Variants in CPNE4 observed in about 807,000 individuals in gnomAD.
The protein encoded by CPNE4 is copine-4.
CPNE4 carries 25 observed loss-of-function variants against 67.9 expected under a neutral mutation model. That is an observed-to-expected ratio of 0.37 (90% CI 0.27 to 0.51). The LOEUF is 0.51. Among genes scored for constraint, CPNE4 ranks in the 20% least tolerant of loss-of-function variants. The pLI, the probability that CPNE4 is intolerant of heterozygous loss-of-function variation, is 0.93. For synonymous variants in CPNE4, 242 were observed against 244.9 expected (o/e 0.99, Z 0.11); for missense variants, 464 against 690.8 (o/e 0.67, Z 3.68).
chr3:131,612,694 A>G (rs542878803), intron 7 of CPNE4, among the ~76,000 whole-genome samples: 2 of 152,308 alleles, frequency 1.3e-5, no homozygotes, highest in East Asian at 3.9e-4. Flanking sequence ...TCACTAATCC[A>G]TCATATAATT....
chr3:131,738,854 CTTTT>C (rs34053204), intron 2 of CPNE4, among the ~76,000 whole-genome samples: 101 of 140,144 alleles, frequency 7.2e-4, no homozygotes, highest in African/African-American at 2.5e-3. Flanking sequence ...TTTTCTTTTT[CTTTT>C]TTTTTTTTTT....
intron 1 of CPNE4, among the ~76,000 whole-genome samples, chr3:132,001,550 A>AAGAGAAAG (rs2073435522): frequency 1.6e-5 from 2 of 127,718 alleles, no homozygotes; most frequent in Non-Finnish European, 3.3e-5. Context: ...GACAAAGAAA[A>AAGAGAAAG]AAGAGAAAGA....
At chr3:131,814,250 G>A (rs2084643811) in intron 2 of CPNE4, among the ~76,000 whole-genome samples, 1 of 152,136 alleles carries the variant, frequency 6.6e-6, no homozygotes. Context: ...GGACAGTAGA[G>A]CTTGGCATAA....
intron 1 of CPNE4, among the ~76,000 whole-genome samples, chr3:131,914,145 C>T (rs756352030): frequency 3.0e-4 from 46 of 152,284 alleles, no homozygotes; most frequent in Non-Finnish European, 5.3e-4. Context: ...ATTTCATAGG[C>T]AAGAAATTGC....
chr3:131,809,522 C>T (rs2084444948), intron 2 of CPNE4, among the ~76,000 whole-genome samples: 1 of 139,894 alleles, frequency 7.1e-6, no homozygotes, highest in South Asian at 2.3e-4. Context: ...CCGCTTTATA[C>T]ACAAAGCTTT....
intron 10 of CPNE4, among the ~76,000 whole-genome samples, chr3:131,572,472 C>T (rs1026224294): frequency 1.3e-5 from 2 of 152,022 alleles, no homozygotes; most frequent in East Asian, 1.9e-4. Flanking sequence ...CAAGTTCTCT[C>T]GCCTCCTATT....
chr3:131,762,910 C>T (rs1463106286), intron 2 of CPNE4, among the ~76,000 whole-genome samples: 1 of 123,082 alleles, frequency 8.1e-6, no homozygotes, highest in Non-Finnish European at 1.9e-5. Flanking sequence ...CATGCTACGA[C>T]AGAAAAAAAA....
At chr3:132,022,722 G>A (rs1482515979) in intron 1 of CPNE4, among the ~76,000 whole-genome samples, 1 of 152,156 alleles carries the variant, frequency 6.6e-6, no homozygotes, top group Admixed American at 6.5e-5. Flanking sequence ...CAAACATCTG[G>A]ATAAAAATTT....
At chr3:131,755,658 C>T (rs2082734381) in intron 2 of CPNE4, among the ~76,000 whole-genome samples, 1 of 152,106 alleles carries the variant, frequency 6.6e-6, no homozygotes, top group African/African-American at 2.4e-5. Flanking sequence ...TATTCAGAAG[C>T]CAGGCATCAG....
intron 2 of CPNE4, among the ~76,000 whole-genome samples, chr3:131,798,466 G>T (rs1156706949): frequency 6.6e-6 from 1 of 152,028 alleles, no homozygotes; most frequent in Non-Finnish European, 1.5e-5. Flanking sequence ...AGAGTTAGGG[G>T]ACATATAAAA....
At chr3:131,602,407 G>A (rs151035230) in intron 7 of CPNE4, among the ~76,000 whole-genome samples, 119 of 152,266 alleles carry the variant, frequency 7.8e-4, no homozygotes, top group African/African-American at 2.8e-3. Context: ...ACAAAAGCCA[G>A]ACTAAGAAAT....
chr3:131,710,462 T>C (rs1438727032), intron 3 of CPNE4, among the ~76,000 whole-genome samples: 1 of 152,194 alleles, frequency 6.6e-6, no homozygotes, highest in African/African-American at 2.4e-5. Flanking sequence ...AGTTTTACAG[T>C]GACAGCATAT....
chr3:131,761,739 C>G (rs547037261), intron 2 of CPNE4, among the ~76,000 whole-genome samples: 1 of 152,136 alleles, frequency 6.6e-6, no homozygotes, highest in South Asian at 2.1e-4. Flanking sequence ...AGAACTTTTA[C>G]CATTCAACAG....
chr3:131,755,235 A>G (rs921032602), intron 2 of CPNE4, among the ~76,000 whole-genome samples: 5 of 151,460 alleles, frequency 3.3e-5, no homozygotes, highest in Non-Finnish European at 5.9e-5. Context: ...GTGAGAAAAT[A>G]ACTGAGCCAC....
At chr3:131,615,649 G>GT (rs1375475277) in intron 7 of CPNE4, among the ~76,000 whole-genome samples, 2 of 152,070 alleles carry the variant, frequency 1.3e-5, no homozygotes, top group African/African-American at 4.8e-5. Context: ...TAGATCATAA[G>GT]TTTTTTATAG....
chr3:131,945,811 A>G (rs549812124), intron 1 of CPNE4, among the ~76,000 whole-genome samples: 2 of 152,288 alleles, frequency 1.3e-5, no homozygotes, highest in African/African-American at 4.8e-5. Context: ...GTCAAGTTCT[A>G]TAAGGGTAAA....
chr3:131,985,669 T>A (rs180730031), intron 1 of CPNE4, among the ~76,000 whole-genome samples: 2 of 152,304 alleles, frequency 1.3e-5, no homozygotes, highest in Admixed American at 1.3e-4. Context: ...AAAAATATAT[T>A]GGATCACTTC....
intron 2 of CPNE4, among the ~76,000 whole-genome samples, chr3:131,760,588 T>C (rs917520226): frequency 1.3e-5 from 2 of 152,110 alleles, no homozygotes; most frequent in African/African-American, 4.8e-5. Context: ...CCCATTTTTT[T>C]CTCCCAAAGA....
At chr3:131,705,333 C>G (rs2081392085) in intron 3 of CPNE4, among the ~76,000 whole-genome samples, 1 of 152,184 alleles carries the variant, frequency 6.6e-6, no homozygotes, top group South Asian at 2.1e-4. Flanking sequence ...GAATCCAAAT[C>G]TGCATTTTAA....
Sources: gnomAD v4.1 joint callset for allele counts (sites outside exome capture counted in the v4.1 genomes callset) on GRCh38, gnomAD v4.1.1 for gene constraint, MANE v1.5 for transcripts, NCBI Gene and HGNC (gene_info 2026-07-23, HGNC 2026-07-21) for gene names.